The following TAF3 variants were observed in gnomAD, a reference collection of about 807,000 sequenced individuals.
TAF3 encodes the protein transcription initiation factor TFIID subunit 3.
A neutral mutation model predicts 80.6 loss-of-function variants in TAF3; 7 were observed. The observed-to-expected ratio is 0.09, with a 90% CI of 0.05 to 0.16. The LOEUF (loss-of-function observed/expected upper bound fraction) is 0.16. TAF3 is among the 10% of genes least tolerant of loss of function. TAF3 has a pLI of 1.00. For missense variants in TAF3, 921 were observed against 1,140.2 expected, an observed-to-expected ratio of 0.81 and a Z score of 2.77; for synonymous variants, 444 against 446.1, an observed-to-expected ratio of 1.00 and a Z score of 0.06.
chr10:7,921,150 C>A (rs1435733420), intron 2 of TAF3, among the ~76,000 whole-genome samples: 1 of 151,350 alleles, frequency 6.6e-6, no homozygotes, highest in Non-Finnish European at 1.5e-5. Flanking sequence ...TTTCTTAATT[C>A]TTCCTTGGCT....
At chr10:7,857,425 G>A (rs1308437395) in intron 2 of TAF3, among the ~76,000 whole-genome samples, 1 of 152,194 alleles carries the variant, frequency 6.6e-6, no homozygotes, top group Non-Finnish European at 1.5e-5. Context: ...TCTGGAGCTG[G>A]AGGAGAAGTT....
Position 7,838,012 on chromosome 10 carries a change from A to C in TAF3, c.409+13452A>C, listed in dbSNP as rs188484190. On this transcript the variant is annotated intron_variant, in intron 2 of 6. Transcript: ENST00000344293. ...CCTTGATATCACATAATATATTCAT[A>C]AACATTATCTCATTTAATCTTGAAA... 2.5e-3 allele frequency among the ~76,000 whole-genome samples: 386 copies of C among 152,372 alleles called. 2 individuals carry two copies. The highest frequency in any genetic ancestry group is 3.4e-3 in the Middle Eastern group (1 of 294).
chr10:7,868,360 T>A (rs892823289), intron 2 of TAF3, among the ~76,000 whole-genome samples: 1 of 151,296 alleles, frequency 6.6e-6, no homozygotes, highest in Non-Finnish European at 1.5e-5. Flanking sequence ...TGTCAAGCTC[T>A]AGTAACCATT....
At position 7,819,857 on chromosome 10, in the gene TAF3, T is replaced by G. The variant is rs574277628; in HGVS notation, c.166+982T>G. On this transcript the variant is annotated intron_variant, in intron 1 of 6. Transcript: ENST00000344293. ...TGAGACTCACAGACACACGCTGTAT[T>G]TCTTAGGCCCCAAGTTTCGTTCCCG... Among the ~76,000 whole-genome samples the G allele has an allele frequency of 3.3e-5, 5 of 152,332 alleles. No individual in the cohort carries two copies. The South Asian group carries it at 1.0e-3, about 32-fold the overall frequency.
intron 4 of TAF3, among the ~76,000 whole-genome samples, chr10:7,994,833 G>A (rs958084574): frequency 2.9e-4 from 42 of 147,064 alleles, no homozygotes; most frequent in African/African-American, 8.9e-4. Flanking sequence ...AAAATAGCTG[G>A]GTGTGGTGGC....
intron 2 of TAF3, among the ~76,000 whole-genome samples, chr10:7,920,846 AT>A (rs1172351382): frequency 1.3e-5 from 2 of 152,164 alleles, no homozygotes; most frequent in Non-Finnish European, 2.9e-5. Flanking sequence ...AAAGTTAATA[AT>A]TTTTTTAACA....
chr10:7,983,844 C>CAATAAATA lies in TAF3; in HGVS notation c.2315+6541_2315+6548dup, dbSNP rs113211341. On this transcript the variant is annotated intron_variant, in intron 4 of 6. Coordinates refer to ENST00000344293, the MANE Select transcript of TAF3 (RefSeq NM_031923.4). Reference sequence around the variant, plus strand: ...ACAGAGTGAGACCCTGTCTCTAAAACAATAAATAAATAAATAAATAAATAA... The same window carrying CAATAAATA: ...ACAGAGTGAGACCCTGTCTCTAAAACAATAAATAAATAAATAAATAAATAAATAAATAA... Among the ~76,000 whole-genome samples the CAATAAATA allele has an allele frequency of 6.6e-3, 999 of 150,692 alleles. 13 individuals are homozygous for CAATAAATA. Among genetic ancestry groups the CAATAAATA allele is most frequent in the African/African-American group, 0.023 (929 of 40,884 alleles).
intron 2 of TAF3, among the ~76,000 whole-genome samples, chr10:7,944,476 A>C (rs1189731138): frequency 1.3e-5 from 2 of 152,228 alleles, no homozygotes; most frequent in Non-Finnish European, 1.5e-5. Flanking sequence ...ACGCAGTAAA[A>C]GTTACTACGC....
chr10:7,973,646 G>A (rs1041129005), intron 3 of TAF3, among the ~76,000 whole-genome samples: 1 of 152,122 alleles, frequency 6.6e-6, no homozygotes, highest in Non-Finnish European at 1.5e-5. Context: ...ACCTTAATGA[G>A]CACATTGGGA....
At chr10:7,857,062 G>T (rs975707684) in intron 2 of TAF3, among the ~76,000 whole-genome samples, 3 of 152,300 alleles carry the variant, frequency 2.0e-5, no homozygotes, top group Admixed American at 6.5e-5. Flanking sequence ...TGTTACAACT[G>T]ACAGATGAAT....
chr10:7,980,447 C>G (rs1283037830), intron 4 of TAF3, among the ~76,000 whole-genome samples: 1 of 152,120 alleles, frequency 6.6e-6, no homozygotes, highest in Non-Finnish European at 1.5e-5. Flanking sequence ...TTTAACATTC[C>G]TGGAAACTGT....
chr10:7,828,257 C>T (rs1269185114), intron 2 of TAF3, among the ~76,000 whole-genome samples: 2 of 152,032 alleles, frequency 1.3e-5, no homozygotes, highest in Admixed American at 6.6e-5. Context: ...AAAAAAGAGA[C>T]GAATCAATGT....
At chr10:7,930,104 G>A (rs1169043810) in intron 2 of TAF3, among the ~76,000 whole-genome samples, 1 of 152,080 alleles carries the variant, frequency 6.6e-6, no homozygotes, top group Non-Finnish European at 1.5e-5. Context: ...AGCCTGAGGC[G>A]GGAGGATCAC....
intron 3 of TAF3, among the ~76,000 whole-genome samples, chr10:7,970,613 A>G (rs1373815975): frequency 1.3e-5 from 2 of 152,224 alleles, no homozygotes; most frequent in Non-Finnish European, 2.9e-5. Flanking sequence ...ATGATTTTAT[A>G]AAATGTTAGT....
chr10:7,917,869 A>G (rs1052367273), intron 2 of TAF3, among the ~76,000 whole-genome samples: 18 of 152,360 alleles, frequency 1.2e-4, no homozygotes, highest in Admixed American at 5.2e-4. Flanking sequence ...GGACCTTGAC[A>G]AGAGCAATTT....
chr10:7,836,406 C>T (rs1244499), intron 2 of TAF3, among the ~76,000 whole-genome samples: 1 of 151,780 alleles, frequency 6.6e-6, no homozygotes, highest in East Asian at 1.9e-4. Context: ...TCCCGAGTAC[C>T]TGGGATTAGA....
intron 2 of TAF3, among the ~76,000 whole-genome samples, chr10:7,958,308 ATTTGT>A (rs958281216): frequency 1.3e-5 from 2 of 152,152 alleles, no homozygotes; most frequent in Non-Finnish European, 2.9e-5. Flanking sequence ...AACTGTATTT[ATTTGT>A]TTTAATTTTA....
intron 2 of TAF3, among the ~76,000 whole-genome samples, chr10:7,916,759 A>G (rs992794575): frequency 7.2e-5 from 11 of 152,202 alleles, no homozygotes; most frequent in Non-Finnish European, 1.5e-4. Context: ...GGATGGTTAT[A>G]TATCTTGTTG....
chr10:7,893,046 C>T (rs1335964097), intron 2 of TAF3, among the ~76,000 whole-genome samples: 3 of 152,096 alleles, frequency 2.0e-5, no homozygotes, highest in African/African-American at 7.2e-5. Flanking sequence ...TCTCCACCTC[C>T]TGACCTCCGT....
Sources: gnomAD v4.1 joint callset for allele counts (sites outside exome capture counted in the v4.1 genomes callset) on GRCh38, gnomAD v4.1.1 for gene constraint, MANE v1.5 for transcripts, NCBI Gene and HGNC (gene_info 2026-07-23, HGNC 2026-07-21) for gene names.